The following SMG6 variants were observed in gnomAD, a reference collection of about 807,000 sequenced individuals.
The protein encoded by SMG6 is SMG6 nonsense mediated mRNA decay factor.
SMG6 carries 66 observed loss-of-function variants against 142.2 expected under a neutral mutation model. The observed-to-expected ratio is 0.46, with a 90% confidence interval of 0.38 to 0.57. The LOEUF (loss-of-function observed/expected upper bound fraction) is 0.57. SMG6 is among the 20% of genes least tolerant of loss of function. The pLI is 0.00. For synonymous variants in SMG6, 779 were observed against 702.4 expected (o/e 1.11, Z -1.72); for missense variants, 1,793 against 1,832.0 (o/e 0.98, Z 0.39).
intron 15 of SMG6, among the ~76,000 whole-genome samples, chr17:2,073,529 C>T (rs917303175): frequency 6.0e-5 from 9 of 150,148 alleles, no homozygotes; most frequent in South Asian, 4.2e-4. Flanking sequence ...GCCAACATCG[C>T]GGAACCCCGT....
chr17:2,291,003 CG>C (rs2075018628), intron 6 of SMG6, among the ~76,000 whole-genome samples: 2 of 152,226 alleles, frequency 1.3e-5, no homozygotes, highest in Admixed American at 6.5e-5. Context: ...GGATGGAAAG[CG>C]TAAGTATCAG....
At chr17:2,250,718 T>C (rs1007791935) in intron 8 of SMG6, among the ~76,000 whole-genome samples, 1 of 152,074 alleles carries the variant, frequency 6.6e-6, no homozygotes, top group African/African-American at 2.4e-5. Context: ...CTTTCTTGCA[T>C]TTTAGAAAAG....
chr17:2,089,125 G>A (rs1355366455), intron 13 of SMG6, among the ~76,000 whole-genome samples: 1 of 152,218 alleles, frequency 6.6e-6, no homozygotes, highest in Non-Finnish European at 1.5e-5. Context: ...AAGGACTCCA[G>A]ATGAAGTCTG....
rs2068523895 is a variant in SMG6, at chr17:2,085,165, C to T, written c.3534+560G>A. ...ACAGACGCGCACACACACACACAGA[C>T]ACACACACACGAGTCTGGAGTGAAG... On this transcript the variant is annotated intron_variant, in intron 14 of 18. Transcript: ENST00000263073. The surrounding 1 kb of genome is among the most constrained non-coding windows in gnomAD (Gnocchi z 4.1). Among the ~76,000 whole-genome samples, 1 of 152,072 alleles carries T rather than the reference C, an allele frequency of 6.6e-6. No individual in the cohort carries two copies. Among genetic ancestry groups the T allele is most frequent in the African/African-American group, 2.4e-5 (1 of 41,406 alleles).
chr17:2,266,733 A>G (rs976045792), intron 8 of SMG6, among the ~76,000 whole-genome samples: 2 of 152,168 alleles, frequency 1.3e-5, no homozygotes, highest in African/African-American at 4.8e-5. Context: ...TGGTTTGGTG[A>G]CCGAGGTCAT....
At chr17:2,112,841 T>C (rs1054627918) in intron 13 of SMG6, among the ~76,000 whole-genome samples, 5 of 145,000 alleles carry the variant, frequency 3.4e-5, no homozygotes, top group East Asian at 2.1e-4. Context: ...CACTGCAACC[T>C]CTGCCTCCCA....
intron 1 of SMG6, chr17:2,303,044 A>T (rs2075319870): frequency 1.0e-6 from 1 of 985,474 alleles, no homozygotes; most frequent in Non-Finnish European, 1.2e-6. Context: ...CTTGAAATTA[A>T]CTTGCAAATT....
chr17:2,295,778 C>A (rs1311411569), intron 4 of SMG6, among the ~76,000 whole-genome samples: 2 of 152,140 alleles, frequency 1.3e-5, no homozygotes, highest in Non-Finnish European at 2.9e-5. Context: ...TGTTCACTTT[C>A]AAGTTCCTGT....
At chr17:2,178,429 A>G (rs1016943098) in intron 12 of SMG6, among the ~76,000 whole-genome samples, 4 of 152,194 alleles carry the variant, frequency 2.6e-5, no homozygotes, top group African/African-American at 4.8e-5. Context: ...TATCTTTCTC[A>G]TTTATACCAA....
At chr17:2,110,955 G>A (rs2069297851) in intron 13 of SMG6, among the ~76,000 whole-genome samples, 1 of 152,116 alleles carries the variant, frequency 6.6e-6, no homozygotes, top group Admixed American at 6.6e-5. Context: ...GAGCTGCCTG[G>A]TACATCTGAA....
chr17:2,303,077 T>C, intron 1 of SMG6: 1 of 985,434 alleles, frequency 1.0e-6, no homozygotes, highest in Non-Finnish European at 1.2e-6. Context: ...TAATAAAAAC[T>C]GCTCCCACAC....
intron 13 of SMG6, among the ~76,000 whole-genome samples, chr17:2,129,552 G>A (rs770277974): frequency 1.3e-5 from 2 of 151,972 alleles, no homozygotes; most frequent in African/African-American, 2.4e-5. Context: ...CCAGCACTTC[G>A]CGAGGCTGAG....
chr17:2,129,626 T>G (rs1597437909), intron 13 of SMG6, among the ~76,000 whole-genome samples: 1 of 151,362 alleles, frequency 6.6e-6, no homozygotes, highest in East Asian at 2.0e-4. Context: ...AAATCCTGTT[T>G]CTACTTAAAA....
At chr17:2,127,952 G>C in intron 13 of SMG6, 1 of 554,914 alleles carries the variant, frequency 1.8e-6, no homozygotes, top group East Asian at 4.7e-5. Flanking sequence ...ATTTCTGCTT[G>C]CTGAGTAGCA....
At chr17:2,294,913 T>C (rs999696374) in intron 4 of SMG6, among the ~76,000 whole-genome samples, 1 of 152,038 alleles carries the variant, frequency 6.6e-6, no homozygotes, top group South Asian at 2.1e-4. Context: ...TCTCACTTTG[T>C]TGCCCAGGCT....
chr17:2,116,606 T>C (rs551252148), intron 13 of SMG6, among the ~76,000 whole-genome samples: 6 of 151,812 alleles, frequency 4.0e-5, no homozygotes, highest in Admixed American at 1.3e-4. Context: ...ATTAGCTGGG[T>C]GTGGTGGCGG....
intron 13 of SMG6, among the ~76,000 whole-genome samples, chr17:2,092,423 C>CCATTGAT (rs2068751409): frequency 6.6e-6 from 1 of 152,198 alleles, no homozygotes; most frequent in South Asian, 2.1e-4. Context: ...TTAGAGGAGG[C>CCATTGAT]AATGAGGGCC....
At chr17:2,202,403 T>C (rs771671862) in intron 10 of SMG6, among the ~76,000 whole-genome samples, 2 of 152,010 alleles carry the variant, frequency 1.3e-5, no homozygotes, top group Non-Finnish European at 2.9e-5. Context: ...AAATAAAAAA[T>C]TAGCCTGCAG....
rs1210917015 is a variant in SMG6, at chr17:2,085,458, A to C, written c.3534+267T>G. On this transcript the variant is annotated intron_variant, in intron 14 of 18. Transcript: ENST00000263073. The surrounding 1 kb of genome is among the most constrained non-coding windows in gnomAD (Gnocchi z 4.1). The stretch of plus-strand genomic sequence containing the variant: ...TCCTAAGCCTCGAGAGCTGCACATT[A>C]TTCAACTCCTTTCTTTCTTTTCCTC... Among the ~76,000 whole-genome samples the C allele has an allele frequency of 6.6e-6, 1 of 152,156 alleles. No homozygotes were observed. Among genetic ancestry groups the C allele is most frequent in the Non-Finnish European group, 1.5e-5 (1 of 68,018 alleles).
Sources: allele counts gnomAD v4.1 joint callset (sites outside exome capture counted in the v4.1 genomes callset), GRCh38; gene constraint gnomAD v4.1.1; non-coding constraint Gnocchi (gnomAD v3.1); transcripts MANE v1.5; gene names NCBI Gene and HGNC (gene_info 2026-07-23, HGNC 2026-07-21).